SCARB2: variants seen among roughly 807,000 people sequenced by gnomAD.
The protein encoded by SCARB2 is scavenger receptor class B member 2.
In SCARB2, 29 loss-of-function variants were observed where a neutral mutation model predicts 58.6. The observed-to-expected ratio is 0.49, with a 90% CI of 0.37 to 0.67. The LOEUF is 0.67. Among genes scored for constraint, SCARB2 ranks in the 30% least tolerant of loss-of-function variants. The probability of loss-of-function intolerance (pLI) is 0.00; values close to 1 mark genes in which losing one functional copy is unlikely to be tolerated. For synonymous variants in SCARB2, 195 were observed against 210.1 expected (o/e 0.93, Z 0.62); for missense variants, 488 against 578.5 (o/e 0.84, Z 1.60).
At chr4:76,209,439 G>T (rs1732995421) in intron 1 of SCARB2, among the ~76,000 whole-genome samples, 1 of 152,056 alleles carries the variant, frequency 6.6e-6, no homozygotes, top group South Asian at 2.1e-4. Context: ...AGCCATCTTG[G>T]CTCACTGCAA....
intron 1 of SCARB2, among the ~76,000 whole-genome samples, chr4:76,223,529 C>T (rs2034004): frequency 0.42 from 63,421 of 151,948 alleles, 13,889 homozygotes; most frequent in East Asian, 0.77. Flanking sequence ...TTATCACCGC[C>T]CTCTTCCTCT....
intron 2 of SCARB2, among the ~76,000 whole-genome samples, chr4:76,185,812 C>G (rs1323594052): frequency 6.6e-6 from 1 of 152,188 alleles, no homozygotes; most frequent in Non-Finnish European, 1.5e-5. Context: ...TGGATACAAA[C>G]TAGACTGAGA....
intron 2 of SCARB2, among the ~76,000 whole-genome samples, chr4:76,186,678 C>T (rs1408014197): frequency 6.6e-6 from 1 of 152,164 alleles, no homozygotes; most frequent in South Asian, 2.1e-4. Context: ...CTCCCTGTCC[C>T]CAGGCAGTGA....
In SCARB2 at chr4:76,201,028, C is replaced by A. The variant is rs117924727; in HGVS notation, c.118-5164G>T. ...CTGCTCAAAGGATAAAGTCCACAGT[C>A]CTTGACCTGTTGTGATCTGATGCAA... On this transcript the variant is annotated intron_variant, in intron 1 of 11. Coordinates refer to ENST00000264896, the MANE Select transcript of SCARB2 (RefSeq NM_005506.4). 1.4e-3 allele frequency among the ~76,000 whole-genome samples: 217 copies of A among 152,330 alleles called. 4 individuals are homozygous for A. In the East Asian group the frequency reaches 0.03, roughly 21 times the overall value.
At chr4:76,221,721 C>T (rs1443246749) in intron 1 of SCARB2, among the ~76,000 whole-genome samples, 2 of 152,132 alleles carry the variant, frequency 1.3e-5, no homozygotes, top group Admixed American at 6.5e-5. Context: ...CACACGGACA[C>T]AAAGATGGGA....
At chr4:76,216,875 T>G (rs930336262), upstream of SCARB2, among the ~76,000 whole-genome samples, 1 of 152,200 alleles carries the variant, frequency 6.6e-6, no homozygotes, top group Non-Finnish European at 1.5e-5. Context: ...AAGAAAATAA[T>G]GTATGTTCCC....
intron 1 of SCARB2, among the ~76,000 whole-genome samples, chr4:76,208,358 G>T (rs1165250534): frequency 2.0e-5 from 3 of 152,228 alleles, no homozygotes; most frequent in Admixed American, 2.0e-4. Context: ...GGATAATTTT[G>T]CTTAGGAGTT....
chr4:76,206,144 A>C (rs1474185400), intron 1 of SCARB2, among the ~76,000 whole-genome samples: 1 of 152,180 alleles, frequency 6.6e-6, no homozygotes, highest in Non-Finnish European at 1.5e-5. Context: ...TTAGAGTGAG[A>C]AGACCATAAT....
At chr4:76,180,211 T>A (rs1376760197) in intron 3 of SCARB2, 1 of 177,568 alleles carries the variant, frequency 5.6e-6, no homozygotes, top group Non-Finnish European at 1.2e-5. Flanking sequence ...GAATGTTTAC[T>A]GGGCCAGCCC....
chr4:76,160,685 G>A lies in SCARB2; in HGVS notation c.*1028C>T, dbSNP rs1731878314. On this transcript the variant is annotated 3_prime_UTR_variant, in exon 12 of 12. Transcript: ENST00000264896. ...AGAACTTCAAAATTACCAAGAAGGCGGCTGTCCCAGAAGAAATATCTCTTT... is the reference window on the plus strand; with the variant it reads ...AGAACTTCAAAATTACCAAGAAGGCAGCTGTCCCAGAAGAAATATCTCTTT... The A allele has an allele frequency of 6.6e-6, 1 of 151,624 alleles. No homozygotes were observed. The allele number at this position is 151,624 out of a possible 1,614,324, so 9.4% of individuals were successfully genotyped here. A position where few individuals can be genotyped will look rare whatever the true frequency, so the allele number is the denominator to read the frequency against.
At chr4:76,178,322 G>GTT (rs1350279211) in intron 4 of SCARB2, among the ~76,000 whole-genome samples, 1 of 152,134 alleles carries the variant, frequency 6.6e-6, no homozygotes, top group Non-Finnish European at 1.5e-5. Context: ...TCCTGGCTCT[G>GTT]TTCTAAAATT....
intron 2 of SCARB2, chr4:76,194,575 T>C (rs1040658127): frequency 6.6e-6 from 1 of 152,208 alleles, no homozygotes; most frequent in Admixed American, 6.5e-5. Flanking sequence ...CTGAGAATAG[T>C]ACTGATTCAT....
chr4:76,193,676 A>G (rs1732650163), intron 2 of SCARB2: 1 of 152,210 alleles, frequency 6.6e-6, no homozygotes, highest in African/African-American at 2.4e-5. Context: ...TCCCTTCTCA[A>G]ATGGGAATGT....
At chr4:76,197,696 C>T (rs768223106) in intron 1 of SCARB2, among the ~76,000 whole-genome samples, 45 of 152,206 alleles carry the variant, frequency 3.0e-4, no homozygotes, top group Middle Eastern at 3.4e-3. Flanking sequence ...ACTGTAAAAA[C>T]GGCTGAAATA....
rs35069772 is a variant in SCARB2, at chr4:76,195,754, G to C, written c.228C>G (p.Leu76=). Residue 76 remains leucine (L), a synonymous_variant, in exon 2 of 12, where the codon CTC becomes CTG. Coordinates refer to ENST00000264896, the MANE Select transcript of SCARB2 (RefSeq NM_005506.4). ...CTTCCACCCGAGGGGTCTCCCCTCTGAGGATCTCCTCTGGATTGGTGACAT... is the reference window on the plus strand; with the variant it reads ...CTTCCACCCGAGGGGTCTCCCCTCTCAGGATCTCCTCTGGATTGGTGACAT... ...FFNVTNPEEI[L]RGETPRVEEV... is the part of the protein sequence containing the mutation. 1.5e-5 allele frequency: 25 copies of C among 1,613,948 alleles called. No individual in the cohort carries two copies. The Admixed American group carries it at 4.0e-4, about 26-fold the overall frequency.
At chr4:76,187,107 T>C (rs1402051368) in intron 2 of SCARB2, among the ~76,000 whole-genome samples, 4 of 152,236 alleles carry the variant, frequency 2.6e-5, no homozygotes, top group East Asian at 1.9e-4. Context: ...CTTTGCTAAA[T>C]TGCAAGGAAG....
Position 76,220,489 on chromosome 4 carries a change from C to T in SCARB2, c.-358+13814G>A, listed in dbSNP as rs537229782. Among the ~76,000 whole-genome samples the T allele has an allele frequency of 1.1e-4, 16 of 152,114 alleles. No individual in the cohort carries two copies. In the South Asian group the frequency reaches 2.7e-3, roughly 26 times the overall value. ...AGAAAAATTAAAAATTAGATGGGCA[C>T]GGTGGCATGCACCTATAGTCCCAGC... On this transcript the variant is annotated intron_variant, in intron 1 of 11. Transcript: ENST00000638295.
chr4:76,219,255 C>T (rs1374359703), intron 1 of SCARB2, among the ~76,000 whole-genome samples: 2 of 152,246 alleles, frequency 1.3e-5, no homozygotes, highest in Non-Finnish European at 2.9e-5. Context: ...GACAATGCCT[C>T]TGCCTGAACC....
At chr4:76,206,822 G>T (rs907389155) in intron 1 of SCARB2, among the ~76,000 whole-genome samples, 1 of 151,896 alleles carries the variant, frequency 6.6e-6, no homozygotes, top group East Asian at 1.9e-4. Context: ...ATCAGCACTC[G>T]GGGAAAGACA....
Sources: gnomAD v4.1 joint callset for allele counts (sites outside exome capture counted in the v4.1 genomes callset) on GRCh38, gnomAD v4.1.1 for gene constraint, MANE v1.5 for transcripts, NCBI Gene and HGNC (gene_info 2026-07-23, HGNC 2026-07-21) for gene names.